RFTN1: variants seen among roughly 807,000 people sequenced by gnomAD.
RFTN1 encodes raftlin, lipid raft linker 1.
Under a neutral mutation model 46.5 loss-of-function variants are expected in RFTN1, and 26 were observed. The ratio of observed to expected loss-of-function variants is 0.56; its 90% confidence interval spans 0.41 to 0.78. The LOEUF is 0.78. Among genes scored for constraint, RFTN1 ranks in the 30% least tolerant of loss-of-function variants. The probability of loss-of-function intolerance (pLI) is 0.00; values close to 1 mark genes in which losing one functional copy is unlikely to be tolerated. For missense variants in RFTN1, 693 were observed against 718.7 expected (o/e 0.96, Z 0.41); for synonymous variants, 261 against 284.2 (o/e 0.92, Z 0.82).
At position 16,430,346 on chromosome 3, in the gene RFTN1, A is replaced by T. The variant is rs1173548754; in HGVS notation, c.332+3505T>A. On this transcript the variant is annotated intron_variant, in intron 3 of 9. Coordinates refer to ENST00000334133, the MANE Select transcript of RFTN1 (RefSeq NM_015150.2). ...AGGCTGGTCTGGAACTTCTGAGCTC[A>T]AGAGAATCTTCTGCCTTGGTCTCCC... Among the ~76,000 whole-genome samples, 3 of 152,184 alleles carry T rather than the reference A, an allele frequency of 2.0e-5. No homozygotes were observed. In the East Asian group the frequency reaches 5.8e-4, roughly 29 times the overall value.
rs1389314008 is a variant in RFTN1, at chr3:16,363,897, C to T, written c.1031-5850G>A. 2.6e-5 allele frequency among the ~76,000 whole-genome samples: 4 copies of T among 152,146 alleles called. No homozygotes were observed. The East Asian group carries it at 7.7e-4, about 29-fold the overall frequency. Reference sequence around the variant, plus strand: ...GATTAGCAATCGCCAACTGCGTAAGCCCAACTGCACATGCAATCATATGAC... The same window carrying T: ...GATTAGCAATCGCCAACTGCGTAAGTCCAACTGCACATGCAATCATATGAC... On this transcript the variant is annotated intron_variant, in intron 6 of 9. Coordinates refer to ENST00000334133, the MANE Select transcript of RFTN1 (RefSeq NM_015150.2).
At position 16,356,792 on chromosome 3, in the gene RFTN1, G is replaced by A. The variant is rs2125330244; in HGVS notation, c.1146+1140C>T. ...AGGCCCTCCCAGCAATGCCAATCCTGTGTTCTTCCAAAGCATTCAGAAAGC... is the reference window on the plus strand; with the variant it reads ...AGGCCCTCCCAGCAATGCCAATCCTATGTTCTTCCAAAGCATTCAGAAAGC... On this transcript the variant is annotated intron_variant, in intron 7 of 9. Transcript: ENST00000334133. This position sits in a 1 kb window ranked among gnomAD's most constrained non-coding sequence, Gnocchi z 4.9. Among the ~76,000 whole-genome samples, 1 of 152,332 alleles carries A rather than the reference G, an allele frequency of 6.6e-6. No homozygotes were observed. Among genetic ancestry groups the A allele is most frequent in the East Asian group, 1.9e-4 (1 of 5,180 alleles).
In RFTN1 at chr3:16,429,829, G is replaced by A. The variant is rs2075350004; in HGVS notation, c.332+4022C>T. Reference sequence around the variant, plus strand: ...TCGAAGTTTCACAGAGTCATCTCATGGTGATTCTTGGTAATGAAGTTCACT... The same window carrying A: ...TCGAAGTTTCACAGAGTCATCTCATAGTGATTCTTGGTAATGAAGTTCACT... On this transcript the variant is annotated intron_variant, in intron 3 of 9. Coordinates refer to ENST00000334133, the MANE Select transcript of RFTN1 (RefSeq NM_015150.2). This position sits in a 1 kb window ranked among gnomAD's most constrained non-coding sequence, Gnocchi z 6.4. Among the ~76,000 whole-genome samples the A allele has an allele frequency of 6.6e-6, 1 of 152,158 alleles. No individual in the cohort carries two copies. Among genetic ancestry groups the A allele is most frequent in the Admixed American group, 6.5e-5 (1 of 15,282 alleles).
Position 16,460,829 on chromosome 3 carries a change from A to C in RFTN1, c.146-26792T>G. On this transcript the variant is annotated intron_variant, in intron 2 of 9. Transcript: ENST00000334133. The surrounding 1 kb of genome is among the most constrained non-coding windows in gnomAD (Gnocchi z 4.8). The stretch of plus-strand genomic sequence containing the variant: ...AGACATGTGGCCACCACAGCTGTGA[A>C]GTGGCCCACTCTCTCCCACCTACCC... Among the ~76,000 whole-genome samples, 1 of 152,250 alleles carries C rather than the reference A, an allele frequency of 6.6e-6. No individual in the cohort carries two copies. The highest frequency in any genetic ancestry group is 1.9e-4 in the East Asian group (1 of 5,168).
At chr3:16,391,858 GTT>G (rs1272551461) in intron 4 of RFTN1, among the ~76,000 whole-genome samples, 4 of 49,122 alleles carry the variant, frequency 8.1e-5, no homozygotes, top group Non-Finnish European at 2.2e-4. Flanking sequence ...TAGTGCAAAG[GTT>G]TTTTTTTTGT....
chr3:16,319,859 C>CT (rs2068844209), intron 9 of RFTN1, among the ~76,000 whole-genome samples: 1 of 152,240 alleles, frequency 6.6e-6, no homozygotes, highest in South Asian at 2.1e-4. Context: ...ATCCACACCA[C>CT]TTAAAGGCAG....
chr3:16,337,972 G>C lies in RFTN1; in HGVS notation c.1147-11096C>G, dbSNP rs535397171. On this transcript the variant is annotated intron_variant, in intron 7 of 9. Coordinates refer to ENST00000334133, the MANE Select transcript of RFTN1 (RefSeq NM_015150.2). The surrounding 1 kb of genome is among the most constrained non-coding windows in gnomAD (Gnocchi z 5.0). ...CCCAGCAGTGCCACCAGCTTGCCCT[G>C]GAAGAGAGAGATAAAAACCCACACT... 1.5e-3 allele frequency among the ~76,000 whole-genome samples: 221 copies of C among 152,240 alleles called. 1 individual carries two copies. Among genetic ancestry groups the C allele is most frequent in the African/African-American group, 4.9e-3 (205 of 41,560 alleles).
chr3:16,365,620 C>CT (rs1280675495), intron 6 of RFTN1, among the ~76,000 whole-genome samples: 12 of 152,170 alleles, frequency 7.9e-5, no homozygotes, highest in African/African-American at 2.9e-4. Flanking sequence ...GAGACCTAAT[C>CT]TTTTAAAAAG....
At position 16,316,851 on chromosome 3, in the gene RFTN1, G is replaced by A. The variant is rs1553713499; in HGVS notation, c.1714C>T (p.Leu572Phe). The change falls in exon 10 of 10, where the codon CTT becomes TTT. Residue 572 changes from leucine to phenylalanine, a missense_variant. Physicochemically the swap from Leu to Phe is conservative, Grantham distance 22. Transcript: ENST00000334133. The surrounding 1 kb of genome is among the most constrained non-coding windows in gnomAD (Gnocchi z 4.5). ...ACTCAGTTTTCTTCAACCGTACCAA[G>A]CTCTCTGACTTCCTCAGCATCCCCG... ...RDGDAEEVRE[L>F]GTVEEN is the part of the protein sequence containing the mutation. 1 of 1,614,092 alleles carries A rather than the reference G, an allele frequency of 6.2e-7. No homozygotes were observed. Among genetic ancestry groups the A allele is most frequent in the South Asian group, 1.1e-5 (1 of 91,088 alleles).
chr3:16,356,930 C>T lies in RFTN1; in HGVS notation c.1146+1002G>A, dbSNP rs1239821128. ...AGGAGTTTGAGACCAGCCTGGCCAACGTGGTGAAACCCTGTCTTTACTAAA... is the reference window on the plus strand; with the variant it reads ...AGGAGTTTGAGACCAGCCTGGCCAATGTGGTGAAACCCTGTCTTTACTAAA... On this transcript the variant is annotated intron_variant, in intron 7 of 9. Transcript: ENST00000334133. This position sits in a 1 kb window ranked among gnomAD's most constrained non-coding sequence, Gnocchi z 4.9. 5.3e-5 allele frequency among the ~76,000 whole-genome samples: 8 copies of T among 152,126 alleles called. No homozygotes were observed. The highest frequency in any genetic ancestry group is 2.1e-4 in the South Asian group (1 of 4,834).
chr3:16,366,709 A>G (rs2073199385), intron 6 of RFTN1, among the ~76,000 whole-genome samples: 1 of 152,222 alleles, frequency 6.6e-6, no homozygotes, highest in African/African-American at 2.4e-5. Context: ...CCACAGCTAT[A>G]ACACAGGCAT....
Position 16,445,483 on chromosome 3 carries a change from T to TCACACACACACACA in RFTN1, c.146-11460_146-11447dup, listed in dbSNP as rs10681518. Among the ~76,000 whole-genome samples, 242 of 126,852 alleles carry TCACACACACACACA rather than the reference T, an allele frequency of 1.9e-3. 2 individuals carry two copies. The highest frequency in any genetic ancestry group is 6.0e-3 in the African/African-American group (196 of 32,710). 83.2% of individuals were successfully genotyped at this position (126,852 alleles called of 152,430 possible). ...TTCTCTCTTTCTCTCTCTCTCTCTCTCACACACACACACACACACACACAC... is the reference window on the plus strand; with the variant it reads ...TTCTCTCTTTCTCTCTCTCTCTCTCTCACACACACACACACACACACACACACACACACACACAC... On this transcript the variant is annotated intron_variant, in intron 2 of 9. Transcript: ENST00000334133.
chr3:16,344,458 CAG>C lies in RFTN1; in HGVS notation c.1146+13472_1146+13473del, dbSNP rs1295654413. 2.0e-5 allele frequency among the ~76,000 whole-genome samples: 3 copies of C among 152,070 alleles called. No homozygotes were observed. Among genetic ancestry groups the C allele is most frequent in the Non-Finnish European group, 4.4e-5 (3 of 68,020 alleles). On this transcript the variant is annotated intron_variant, in intron 7 of 9. Coordinates refer to ENST00000334133, the MANE Select transcript of RFTN1 (RefSeq NM_015150.2). The surrounding 1 kb of genome is among the most constrained non-coding windows in gnomAD (Gnocchi z 4.4). ...TTGACACTGGCATGGGTGGGTGGTC[CAG>C]AGTCTTCCCCACTCTCAGACCTGCC...
At chr3:16,490,457 G>T (rs955470607) in intron 2 of RFTN1, among the ~76,000 whole-genome samples, 7 of 152,314 alleles carry the variant, frequency 4.6e-5, no homozygotes, top group South Asian at 2.1e-4. Flanking sequence ...ACAATAGGGG[G>T]AGGATCTGGG....
intron 9 of RFTN1, among the ~76,000 whole-genome samples, chr3:16,319,052 C>T (rs1040935882): frequency 6.6e-6 from 1 of 152,180 alleles, no homozygotes; most frequent in African/African-American, 2.4e-5. Flanking sequence ...TTTCCAGGCA[C>T]CGTGTTATGG....
intron 1 of RFTN1, among the ~76,000 whole-genome samples, chr3:16,510,129 C>G (rs1379722343): frequency 6.6e-6 from 1 of 152,194 alleles, no homozygotes; most frequent in Admixed American, 6.5e-5. Context: ...GGCCATGTTT[C>G]TCACTGAGAG....
In RFTN1 at chr3:16,334,955, GC is replaced by G. The variant is rs988325557; in HGVS notation, c.1147-8080del. On this transcript the variant is annotated intron_variant, in intron 7 of 9. Coordinates refer to ENST00000334133, the MANE Select transcript of RFTN1 (RefSeq NM_015150.2). The surrounding 1 kb of genome is among the most constrained non-coding windows in gnomAD (Gnocchi z 4.3). ...GAGGCTGGAGTGATGCAGGGAAGGG[GC>G]CACGAGCCAAGGAACATGGGCAGCT... Among the ~76,000 whole-genome samples the G allele has an allele frequency of 3.9e-5, 6 of 152,180 alleles. No homozygotes were observed. The highest frequency in any genetic ancestry group is 1.4e-4 in the African/African-American group (6 of 41,428).
chr3:16,421,122 C>T lies in RFTN1; in HGVS notation c.333-11639G>A, dbSNP rs2075175414. Among the ~76,000 whole-genome samples, 1 of 152,100 alleles carries T rather than the reference C, an allele frequency of 6.6e-6. No individual in the cohort carries two copies. Among genetic ancestry groups the T allele is most frequent in the African/African-American group, 2.4e-5 (1 of 41,424 alleles). On this transcript the variant is annotated intron_variant, in intron 3 of 9. Coordinates refer to ENST00000334133, the MANE Select transcript of RFTN1 (RefSeq NM_015150.2). The surrounding 1 kb of genome is among the most constrained non-coding windows in gnomAD (Gnocchi z 4.6). ...TACATATGTTATAAAACAAAACATA[C>T]AAAACAGAAAATCGTAAACAACAGA...
rs773087300 is a variant in RFTN1, at chr3:16,493,720, C to T, written c.145+5G>A. 3 of 1,570,032 alleles carry T rather than the reference C, an allele frequency of 1.9e-6. No individual in the cohort carries two copies. The highest frequency in any genetic ancestry group is 2.6e-6 in the Non-Finnish European group (3 of 1,152,914). ...CCCCCATCCATTCCCACCCCATGTA[C>T]TCACCAGCACTCAGAGTCGTGAACT... On this transcript the variant is annotated splice_donor_5th_base_variant and intron_variant, in intron 2 of 9. Transcript: ENST00000334133.
Sources: gnomAD v4.1 joint callset for allele counts (sites outside exome capture counted in the v4.1 genomes callset) on GRCh38, gnomAD v4.1.1 for gene constraint, Gnocchi (gnomAD v3.1) non-coding constraint, MANE v1.5 for transcripts, NCBI Gene and HGNC (gene_info 2026-07-23, HGNC 2026-07-21) for gene names.